The following ADAMTS13 variants were observed in gnomAD, a reference collection of about 807,000 sequenced individuals.
ADAMTS13 encodes the protein A disintegrin and metalloproteinase with thrombospondin motifs 13.
ADAMTS13 carries 110 observed loss-of-function variants against 155.1 expected under a neutral mutation model. The ratio of observed to expected loss-of-function variants is 0.71; its 90% confidence interval spans 0.61 to 0.83. The LOEUF (loss-of-function observed/expected upper bound fraction) is 0.83. Among genes scored for constraint, ADAMTS13 ranks in the 40% least tolerant of loss-of-function variants. ADAMTS13 has a pLI of 0.00. For synonymous variants in ADAMTS13, 758 were observed against 756.4 expected, an observed-to-expected ratio of 1.00 and a Z score of -0.03; for missense variants, 1,707 against 1,891.7, an observed-to-expected ratio of 0.90 and a Z score of 1.81.
At chr9:133,457,360 CGCCTCCTT>C (rs1039075839) in intron 27 of ADAMTS13, among the ~76,000 whole-genome samples, 7 of 152,204 alleles carry the variant, frequency 4.6e-5, no homozygotes, top group Non-Finnish European at 1.0e-4. Context: ...CCTAGTGCGC[CGCCTCCTT>C]GCCCCAGACC....
At chr9:133,420,688 C>G (rs2130763128), upstream of ADAMTS13, among the ~76,000 whole-genome samples, 1 of 152,300 alleles carries the variant, frequency 6.6e-6, no homozygotes, top group East Asian at 1.9e-4. Context: ...TCCAGGAACG[C>G]AGAATGTGTG....
At chr9:133,428,493 A>T in intron 6 of ADAMTS13, 141 bp from the exon 7 acceptor site, 1 of 406,872 alleles carries the variant, frequency 2.5e-6, no homozygotes, top group Non-Finnish European at 3.9e-6. Context: ...TGGCGGCGTC[A>T]GGGGTCGACC....
At chr9:133,429,657 CACCGCTCCCGGG>C in intron 7 of ADAMTS13, 1 of 632,456 alleles carries the variant, frequency 1.6e-6, no homozygotes, top group Non-Finnish European at 2.9e-6. Context: ...CCGCCGACCG[CACCGCTCCCGGG>C]CCTAACCTGC....
rs1360733696 is a variant in ADAMTS13 at position 133,424,263 on chromosome 9, G to T, written c.173-58G>T. 6 of 1,604,100 alleles carry T rather than the reference G, an allele frequency of 3.7e-6. No individual in the cohort carries two copies. Among genetic ancestry groups the T allele is most frequent in the Non-Finnish European group, 5.1e-6 (6 of 1,179,540 alleles). ...AGACCTGCCAGCCCCTTTCCTGTTA[G>T]CTTTCCACTGCTTGCTCTCTAGAAC... On this transcript the variant is annotated intron_variant, in intron 2 of 28. Coordinates refer to ENST00000355699, the MANE Select transcript of ADAMTS13 (RefSeq NM_139027.6). This position sits in a 1 kb window ranked among gnomAD's most constrained non-coding sequence, Gnocchi z 4.3.
In ADAMTS13 at chr9:133,458,723, G is replaced by C. The variant is rs4962050; in HGVS notation, c.3910-251G>C. On this transcript the variant is annotated intron_variant, in intron 28 of 28. Coordinates refer to ENST00000355699, the MANE Select transcript of ADAMTS13 (RefSeq NM_139027.6). Reference sequence around the variant, plus strand: ...GTTTCAAGTGTCCTGGGAGAACTGTGTTCTGCAGGGTATCAGCTTCCCCAG... The same window carrying C: ...GTTTCAAGTGTCCTGGGAGAACTGTCTTCTGCAGGGTATCAGCTTCCCCAG... 0.36 allele frequency among the ~76,000 whole-genome samples: 54,015 copies of C among 152,064 alleles called. 10,222 individuals carry two copies. The highest frequency in any genetic ancestry group is 0.71 in the East Asian group (3,699 of 5,174).
intron 11 of ADAMTS13, among the ~76,000 whole-genome samples, chr9:133,435,843 T>C (rs587709392): frequency 6.6e-6 from 1 of 152,294 alleles, no homozygotes; most frequent in East Asian, 1.9e-4. Flanking sequence ...GTTTGGCTTT[T>C]AAAGAAACTG....
chr9:133,447,279 G>C (rs981583874), intron 21 of ADAMTS13, among the ~76,000 whole-genome samples: 1 of 145,912 alleles, frequency 6.9e-6, no homozygotes, highest in Non-Finnish European at 1.5e-5. Context: ...AGACCAAAAA[G>C]AGATTTCTTT....
chr9:133,439,734 C>T (rs1841519507), intron 15 of ADAMTS13, among the ~76,000 whole-genome samples: 1 of 152,238 alleles, frequency 6.6e-6, no homozygotes, highest in African/African-American at 2.4e-5. Context: ...ATGTGACACC[C>T]TTCTAGCATT....
rs1482313650 is a variant in ADAMTS13 at position 133,428,755 on chromosome 9, C to T, written c.808C>T (p.Leu270=). 5 of 1,351,530 alleles carry T rather than the reference C, an allele frequency of 3.7e-6. No homozygotes were observed. The South Asian group carries it at 8.8e-5, about 24-fold the overall frequency. The allele number at this position is 1,351,530 out of a possible 1,614,324, so 83.7% of individuals were successfully genotyped here. The change falls in exon 7 of 29, where the codon CTG becomes TTG. Residue 270 remains leucine (L), a synonymous_variant. Transcript: ENST00000355699. ...CTGGTCCCCCTGCAGCCGCCGGCAG[C>T]TGCTGAGCCTGCTCAGGTAGCGGCC... ...LAWSPCSRRQ[L]LSLLSAGRAR...
In ADAMTS13 at chr9:133,456,393, G is replaced by GAGAGATTA. The variant is rs1842744724; in HGVS notation, c.3548-147_3548-140dup. ...TTACAGATGAGGAAACTGAGGCTAG[G>GAGAGATTA]AGAGATTAAGTGATGTGCCCAGTTA... On this transcript the variant is annotated intron_variant, in intron 26 of 28. Transcript: ENST00000355699. This position sits in a 1 kb window ranked among gnomAD's most constrained non-coding sequence, Gnocchi z 4.4. 7.3e-7 allele frequency: 1 copy of GAGAGATTA among 1,368,598 alleles called. No homozygotes were observed. The highest frequency in any genetic ancestry group is 1.0e-6 in the Non-Finnish European group (1 of 994,186). 84.8% of individuals were successfully genotyped at this position (1,368,598 alleles called of 1,614,324 possible).
chr9:133,444,790 C>T (rs1841941287), intron 19 of ADAMTS13, 73 bp from the exon 20 acceptor site: 4 of 1,507,282 alleles, frequency 2.7e-6, no homozygotes, highest in Non-Finnish European at 3.6e-6. Flanking sequence ...TCCTCCCTGC[C>T]CCTAGCAGCT....
upstream of ADAMTS13, chr9:133,417,966 C>T (rs960623879): frequency 5.4e-6 from 5 of 921,526 alleles, no homozygotes; most frequent in Admixed American, 2.9e-5. Context: ...GCAGGGACCC[C>T]GTCCAGGAAA....
At chr9:133,420,164 A>G (rs1839899535), upstream of ADAMTS13, among the ~76,000 whole-genome samples, 1 of 152,212 alleles carries the variant, frequency 6.6e-6, no homozygotes, top group Non-Finnish European at 1.5e-5. Context: ...TCAGCCTCCC[A>G]AAGTGTTGGG....
chr9:133,445,834 G>C lies in ADAMTS13; in HGVS notation c.2731+15G>C, dbSNP rs377684309. The C allele has an allele frequency of 6.4e-7, 1 of 1,565,202 alleles. No homozygotes were observed. Among genetic ancestry groups the C allele is most frequent in the African/African-American group, 1.4e-5 (1 of 74,028 alleles). ...CTGCGGGCGAGGTGAGGGCCCCCGG[G>C]ATGCTCCTGGGGACCAGCACTCATG... is the stretch of plus-strand genomic sequence containing the variant. On this transcript the variant is annotated intron_variant, in intron 21 of 28. Coordinates refer to ENST00000355699, the MANE Select transcript of ADAMTS13 (RefSeq NM_139027.6). This position sits in a 1 kb window ranked among gnomAD's most constrained non-coding sequence, Gnocchi z 5.0.
Position 133,456,777 on chromosome 9 carries a change from G to A in ADAMTS13, c.3724+58G>A. 2 of 1,544,660 alleles carry A rather than the reference G, an allele frequency of 1.3e-6. No individual in the cohort carries two copies. The highest frequency in any genetic ancestry group is 1.8e-6 in the Non-Finnish European group (2 of 1,142,774). ...GCTCCAGTCCTGGCAGGGAGGCTGG[G>A]TGGGTGCTGCTGGGGATGGGGCCAG... On this transcript the variant is annotated intron_variant, in intron 27 of 28. Transcript: ENST00000355699. This position sits in a 1 kb window ranked among gnomAD's most constrained non-coding sequence, Gnocchi z 4.4.
At position 133,445,946 on chromosome 9, in the gene ADAMTS13, T is replaced by C; in HGVS notation, c.2731+127T>C. ...AAAATCCAGACTATATGGGAACACG[T>C]GGTAATACACAAGGAGACTAAGCAT... On this transcript the variant is annotated intron_variant, in intron 21 of 28. Transcript: ENST00000355699. This position sits in a 1 kb window ranked among gnomAD's most constrained non-coding sequence, Gnocchi z 5.0. 4 of 1,329,546 alleles carry C rather than the reference T, an allele frequency of 3.0e-6. No homozygotes were observed. The highest frequency in any genetic ancestry group is 4.0e-6 in the Non-Finnish European group (4 of 997,668). The allele number at this position is 1,329,546 out of a possible 1,614,324, so 82.4% of individuals were successfully genotyped here.
At position 133,423,141 on chromosome 9, in the gene ADAMTS13, A is replaced by G. The variant is rs373832736; in HGVS notation, c.146A>G (p.Tyr49Cys). 3 of 1,613,536 alleles carry G rather than the reference A, an allele frequency of 1.9e-6. No homozygotes were observed. The highest frequency in any genetic ancestry group is 2.7e-5 in the African/African-American group (2 of 74,758). The change falls in exon 2 of 29, where the codon TAC (tyrosine) becomes TGC (cysteine). Residue 49 changes from tyrosine to cysteine, a missense_variant. Around this residue, in one of 3 missense-constraint regions of ADAMTS13, gnomAD observed 733 missense variants for 749.6 expected, o/e 0.98. Transcript: ENST00000355699. The part of the protein sequence containing the change: ...QALEPQAVSS[Y>C]LSPGAPLKGR... ...TTGGAGCCACAGGCCGTGTCTTCTTACTTGAGCCCTGGTGCTCCCTTAAAA... is the reference window on the plus strand; with the variant it reads ...TTGGAGCCACAGGCCGTGTCTTCTTGCTTGAGCCCTGGTGCTCCCTTAAAA...
chr9:133,437,707 C>G (rs782500624), intron 12 of ADAMTS13, 42 bp from the exon 13 acceptor site: 1 of 1,612,980 alleles, frequency 6.2e-7, no homozygotes, highest in Non-Finnish European at 8.5e-7. Flanking sequence ...ACTTGCCCCT[C>G]CTGCTCGGTT....
intron 11 of ADAMTS13, among the ~76,000 whole-genome samples, chr9:133,436,390 G>A (rs1841215678): frequency 6.6e-6 from 1 of 151,762 alleles, no homozygotes; most frequent in South Asian, 2.1e-4. Flanking sequence ...GCTGTCCAGG[G>A]AGTCAACTCC....
Sources: gnomAD v4.1 joint callset for allele counts (sites outside exome capture counted in the v4.1 genomes callset) on GRCh38, gnomAD v4.1.1 for gene constraint, gnomAD v4.1.1 regional missense constraint, Gnocchi (gnomAD v3.1) non-coding constraint, MANE v1.5 for transcripts, NCBI Gene and HGNC (gene_info 2026-07-23, HGNC 2026-07-21) for gene names.